The following CHMP4C variants were observed in gnomAD, a reference collection of about 807,000 sequenced individuals.
CHMP4C encodes charged multivesicular body protein 4C, also known as SNF7 homolog associated with Alix 3.
A neutral mutation model predicts 29.0 loss-of-function variants in CHMP4C; 28 were observed. The observed-to-expected ratio is 0.97, with a 90% confidence interval of 0.72 to 1.32. The LOEUF (loss-of-function observed/expected upper bound fraction) is 1.32. CHMP4C is among the 40% of genes most tolerant of loss of function. The pLI, the probability that CHMP4C is intolerant of heterozygous loss-of-function variation, is 0.00. For missense variants in CHMP4C, 291 were observed against 281.0 expected, an observed-to-expected ratio of 1.04 and a Z score of -0.25; for synonymous variants, 106 against 102.4, an observed-to-expected ratio of 1.04 and a Z score of -0.21.
chr8:81,733,188 A>T (rs924425434), intron 1 of CHMP4C, among the ~76,000 whole-genome samples: 1 of 152,312 alleles, frequency 6.6e-6, no homozygotes, highest in Admixed American at 6.5e-5. Context: ...TGTGCAGCAC[A>T]TCTTTATTTA....
intron 1 of CHMP4C, among the ~76,000 whole-genome samples, chr8:81,746,285 G>A (rs1808821711): frequency 6.6e-6 from 1 of 152,114 alleles, no homozygotes; most frequent in Non-Finnish European, 1.5e-5. Context: ...TAAAAATTGG[G>A]GAATTTTGCA....
In CHMP4C at chr8:81,750,156, C is replaced by T. The variant is rs190043095; in HGVS notation, c.191-2908C>T. On this transcript the variant is annotated intron_variant, in intron 1 of 4. Coordinates refer to ENST00000297265, the MANE Select transcript of CHMP4C (RefSeq NM_152284.4). The stretch of plus-strand genomic sequence containing the variant: ...ACATCTATAAAACAAGAATAGGCTG[C>T]CATTAAAAAATGAGCAACTAAAGAA... 1.2e-3 allele frequency among the ~76,000 whole-genome samples: 183 copies of T among 151,788 alleles called. 1 individual carries two copies. Among genetic ancestry groups the T allele is most frequent in the Non-Finnish European group, 2.3e-3 (159 of 67,952 alleles).
chr8:81,753,817 A>G (rs1373000134), intron 2 of CHMP4C, among the ~76,000 whole-genome samples: 2 of 152,198 alleles, frequency 1.3e-5, no homozygotes, highest in East Asian at 3.9e-4. Flanking sequence ...CAGTTTCCTT[A>G]TATGTAAATT....
chr8:81,747,385 C>T (rs756814864), intron 1 of CHMP4C, among the ~76,000 whole-genome samples: 9 of 151,568 alleles, frequency 5.9e-5, no homozygotes, highest in South Asian at 2.1e-4. Context: ...AATGGGTACC[C>T]GTTCGGTTCC....
Position 81,758,148 on chromosome 8 carries a change from T to C in CHMP4C, c.490T>C (p.Leu164=). The C allele has an allele frequency of 1.2e-6, 2 of 1,613,870 alleles. No homozygotes were observed. Among genetic ancestry groups the C allele is most frequent in the Non-Finnish European group, 1.7e-6 (2 of 1,179,854 alleles). ...TCCTTTCTCCTGTGTTCAGGATGAG[T>C]TGATGGCAGAACTTGAAGAATTGGA... ...GFGDDFDEDE[L]MAELEELEQE... The change falls in exon 4 of 5, where the codon TTG becomes CTG. Residue 164 remains leucine, a synonymous_variant. Coordinates refer to ENST00000297265, the MANE Select transcript of CHMP4C (RefSeq NM_152284.4).
chr8:81,752,189 A>G (rs1472797831), intron 1 of CHMP4C, among the ~76,000 whole-genome samples: 2 of 152,140 alleles, frequency 1.3e-5, no homozygotes, highest in Non-Finnish European at 2.9e-5. Context: ...CCTTAAAACC[A>G]TTTGAGTTCT....
chr8:81,756,244 G>A (rs554769441), intron 3 of CHMP4C, among the ~76,000 whole-genome samples: 1 of 152,114 alleles, frequency 6.6e-6, no homozygotes, highest in Admixed American at 6.6e-5. Flanking sequence ...TGGCTTGCAG[G>A]CCAAATTCTT....
chr8:81,752,848 T>C (rs1808921653), intron 1 of CHMP4C, among the ~76,000 whole-genome samples: 1 of 152,196 alleles, frequency 6.6e-6, no homozygotes, highest in African/African-American at 2.4e-5. Context: ...ACTTGCCAGA[T>C]CTTTGGAAGA....
At chr8:81,740,205 A>T (rs1490708915) in intron 1 of CHMP4C, among the ~76,000 whole-genome samples, 1 of 152,180 alleles carries the variant, frequency 6.6e-6, no homozygotes, top group Non-Finnish European at 1.5e-5. Context: ...ACCGTGTTTC[A>T]TCCGCTGAGG....
intron 1 of CHMP4C, among the ~76,000 whole-genome samples, chr8:81,749,643 C>T (rs916449744): frequency 6.6e-6 from 1 of 152,214 alleles, no homozygotes; most frequent in African/African-American, 2.4e-5. Flanking sequence ...ACCTAAACCA[C>T]TTAATACCTG....
At chr8:81,755,328 A>G (rs746968143) in intron 2 of CHMP4C, 42 bp from the exon 3 acceptor site, 3 of 1,083,878 alleles carry the variant, frequency 2.8e-6, no homozygotes, top group Non-Finnish European at 4.1e-6. Context: ...TCATAATTAT[A>G]AGTTAAAATT....
chr8:81,742,618 G>A lies in CHMP4C; in HGVS notation c.190+9802G>A, dbSNP rs80197411. 9.3e-3 allele frequency among the ~76,000 whole-genome samples: 1,409 copies of A among 152,216 alleles called. 18 individuals are homozygous for A. The highest frequency in any genetic ancestry group is 0.032 in the African/African-American group (1,315 of 41,524). ...TATGCTACGTAGTCATACTGGGTGC[G>A]TCTTATTTGCTGCAGCAGTAACGTT... On this transcript the variant is annotated intron_variant, in intron 1 of 4. Transcript: ENST00000297265.
chr8:81,749,963 G>A (rs1808876220), intron 1 of CHMP4C, among the ~76,000 whole-genome samples: 1 of 152,172 alleles, frequency 6.6e-6, no homozygotes, highest in South Asian at 2.1e-4. Flanking sequence ...AGATGATTTA[G>A]AGTATCTGGT....
chr8:81,732,607 G>A lies in CHMP4C; in HGVS notation c.-20G>A, dbSNP rs201747220. 25 of 1,517,926 alleles carry A rather than the reference G, an allele frequency of 1.6e-5. No homozygotes were observed. The African/African-American group carries it at 2.9e-4, about 18-fold the overall frequency. 94.0% of individuals were successfully genotyped at this position (1,517,926 alleles called of 1,614,324 possible). On this transcript the variant is annotated 5_prime_UTR_variant, in exon 1 of 5. Coordinates refer to ENST00000297265, the MANE Select transcript of CHMP4C (RefSeq NM_152284.4). ...TCCCGAGAGGCCCCCGGGATCGCTGGCCCTCCGAACTCCACAGCAATGAGC... is the reference window on the plus strand; with the variant it reads ...TCCCGAGAGGCCCCCGGGATCGCTGACCCTCCGAACTCCACAGCAATGAGC...
At chr8:81,751,438 C>A (rs1808901974) in intron 1 of CHMP4C, among the ~76,000 whole-genome samples, 1 of 152,030 alleles carries the variant, frequency 6.6e-6, no homozygotes, top group Non-Finnish European at 1.5e-5. Flanking sequence ...TCAAACCTTT[C>A]AGGGTTTGGA....
chr8:81,758,503 G>A lies in CHMP4C; in HGVS notation c.661G>A (p.Glu221Lys), dbSNP rs140957304. ...RAASSQRAEE[E>K]DDDIKQLAAW... ...AGCATCTTCCCAGAGGGCAGAAGAA[G>A]AGGATGATGATATCAAACAATTGGC... The change falls in exon 5 of 5, where the codon GAG (glutamate) becomes AAG (lysine). Residue 221 changes from glutamate (E) to lysine (K), a missense_variant. Glu to Lys is a moderately conservative substitution (Grantham distance 56, BLOSUM62 1). Transcript: ENST00000297265. 6.2e-7 allele frequency: 1 copy of A among 1,613,258 alleles called. No individual in the cohort carries two copies. The highest frequency in any genetic ancestry group is 1.3e-5 in the African/African-American group (1 of 74,930).
chr8:81,751,930 A>G (rs1808909283), intron 1 of CHMP4C, among the ~76,000 whole-genome samples: 1 of 152,178 alleles, frequency 6.6e-6, no homozygotes, highest in African/African-American at 2.4e-5. Context: ...AAAAACTGGC[A>G]TATTAACTTA....
At chr8:81,744,034 C>T (rs1284448543) in intron 1 of CHMP4C, among the ~76,000 whole-genome samples, 1 of 152,180 alleles carries the variant, frequency 6.6e-6, no homozygotes, top group African/African-American at 2.4e-5. Context: ...TTACTTTCTG[C>T]AATCTCATTC....
At chr8:81,737,616 C>T (rs1808708907) in intron 1 of CHMP4C, among the ~76,000 whole-genome samples, 2 of 152,208 alleles carry the variant, frequency 1.3e-5, no homozygotes. Flanking sequence ...TCAAAGCAGA[C>T]AGCCAAATAA....
Sources: allele counts gnomAD v4.1 joint callset (sites outside exome capture counted in the v4.1 genomes callset), GRCh38; gene constraint gnomAD v4.1.1; transcripts MANE v1.5; gene names NCBI Gene and HGNC (gene_info 2026-07-23, HGNC 2026-07-21).